RABGAP1L: variants seen among roughly 807,000 people sequenced by gnomAD.
RABGAP1L encodes RAB GTPase activating protein 1 like.
Under a neutral mutation model 137.7 loss-of-function variants are expected in RABGAP1L, and 63 were observed. That is an observed-to-expected ratio of 0.46 (90% CI 0.37 to 0.56). RABGAP1L has a LOEUF of 0.56. Ranked by LOEUF, RABGAP1L falls within the 20% of genes least tolerant of loss-of-function variation. The pLI is 0.00. For synonymous variants in RABGAP1L, 431 were observed against 433.7 expected (o/e 0.99, Z 0.08); for missense variants, 1,095 against 1,244.0 (o/e 0.88, Z 1.80).
At chr1:174,773,854 C>G (rs763545209) in intron 18 of RABGAP1L, among the ~76,000 whole-genome samples, 1 of 152,144 alleles carries the variant, frequency 6.6e-6, no homozygotes, top group Non-Finnish European at 1.5e-5. Context: ...TCACTCTGAC[C>G]AATCAGAGTA....
intron 11 of RABGAP1L, among the ~76,000 whole-genome samples, chr1:174,317,817 C>T (rs576195579): frequency 2.0e-4 from 31 of 152,184 alleles, no homozygotes; most frequent in African/African-American, 4.3e-4. Context: ...AAATTTGTAC[C>T]GCTGGGGTCA....
chr1:174,344,054 T>C lies in RABGAP1L; in HGVS notation c.1466-26925T>C, dbSNP rs1682222222. 2.0e-5 allele frequency among the ~76,000 whole-genome samples: 3 copies of C among 152,296 alleles called. 1 individual carries two copies. Among genetic ancestry groups the C allele is most frequent in the Non-Finnish European group, 4.4e-5 (3 of 68,030 alleles). On this transcript the variant is annotated intron_variant, in intron 11 of 25. Transcript: ENST00000681986. ...GTGGTGGCAATAAATCAAATCAAAA[T>C]GTAGTGCCATTAGAGTAAGACATCT...
At chr1:174,755,856 G>A (rs145100929) in intron 18 of RABGAP1L, among the ~76,000 whole-genome samples, 8 of 152,222 alleles carry the variant, frequency 5.3e-5, no homozygotes, top group South Asian at 2.1e-4. Context: ...TCAGTATATC[G>A]TGAATATCTT....
At position 174,231,197 on chromosome 1, in the gene RABGAP1L, T is replaced by C. The variant is rs1228436041; in HGVS notation, c.384T>C (p.Ser128=). 6.2e-7 allele frequency: 1 copy of C among 1,613,932 alleles called. No homozygotes were observed. Among genetic ancestry groups the C allele is most frequent in the Non-Finnish European group, 8.5e-7 (1 of 1,179,878 alleles). The part of the protein sequence containing the change: ...SSPGGLPEED[S]VLFNKLTYLG... ...CAGGTGGACTACCTGAAGAAGATAG[T>C]GTTTTATTTAATAAACTGACCTACT... The change falls in exon 4 of 26, where the codon AGT becomes AGC. Residue 128 remains serine (S), a synonymous_variant. Coordinates refer to ENST00000681986, the MANE Select transcript of RABGAP1L (RefSeq NM_001366446.1).
chr1:174,398,796 G>C (rs1558200351), intron 13 of RABGAP1L, among the ~76,000 whole-genome samples: 1 of 152,100 alleles, frequency 6.6e-6, no homozygotes, highest in Non-Finnish European at 1.5e-5. Flanking sequence ...GTATTGAGTA[G>C]AAAACTACCT....
intron 19 of RABGAP1L, among the ~76,000 whole-genome samples, chr1:174,925,354 CAAAAAAAAAAAAAAA>C (rs545791515): frequency 1.8e-5 from 1 of 54,782 alleles, no homozygotes; most frequent in Non-Finnish European, 3.8e-5. Flanking sequence ...GACTCCGTCT[CAAAAAAAAAAAAAAA>C]AAAAAAAAAA....
At chr1:174,596,330 G>C (rs535741125) in intron 13 of RABGAP1L, among the ~76,000 whole-genome samples, 1 of 151,924 alleles carries the variant, frequency 6.6e-6, no homozygotes, top group Non-Finnish European at 1.5e-5. Context: ...GCTCACGCTG[G>C]GAGCTGTAGA....
intron 18 of RABGAP1L, among the ~76,000 whole-genome samples, chr1:174,801,020 T>C (rs1228303007): frequency 1.3e-5 from 2 of 152,224 alleles, no homozygotes; most frequent in South Asian, 2.1e-4. Flanking sequence ...CCTAGAATGA[T>C]TGAACTGTTT....
intron 13 of RABGAP1L, among the ~76,000 whole-genome samples, chr1:174,402,267 G>A (rs750161613): frequency 2.6e-5 from 4 of 151,980 alleles, no homozygotes; most frequent in Non-Finnish European, 5.9e-5. Flanking sequence ...GAATGAAAGG[G>A]ACAACTCATC....
At chr1:174,695,408 T>C (rs1679176108) in intron 15 of RABGAP1L, among the ~76,000 whole-genome samples, 2 of 152,130 alleles carry the variant, frequency 1.3e-5, no homozygotes. Flanking sequence ...TGATACATTT[T>C]TAAGTTTGTC....
chr1:174,872,608 C>G (rs1198095485), intron 19 of RABGAP1L, among the ~76,000 whole-genome samples: 1 of 150,988 alleles, frequency 6.6e-6, no homozygotes, highest in Non-Finnish European at 1.5e-5. Context: ...GTCACCCAGG[C>G]TGGAGTGTAG....
rs535895937 is a variant in RABGAP1L, at chr1:174,715,304, A to G, written c.2169+13048A>G. Among the ~76,000 whole-genome samples, 7 of 152,350 alleles carry G rather than the reference A, an allele frequency of 4.6e-5. No individual in the cohort carries two copies. The South Asian group carries it at 1.5e-3, about 32-fold the overall frequency. ...CATTCTTTCAATTTATAAATTATCT[A>G]TATTGTACAAAAGAGAAGGAACTCA... On this transcript the variant is annotated intron_variant, in intron 17 of 25. Coordinates refer to ENST00000681986, the MANE Select transcript of RABGAP1L (RefSeq NM_001366446.1).
At chr1:174,643,919 GT>G (rs1674731628) in intron 14 of RABGAP1L, among the ~76,000 whole-genome samples, 15 of 127,656 alleles carry the variant, frequency 1.2e-4, no homozygotes, top group East Asian at 7.9e-4. Flanking sequence ...ATATAGGGGT[GT>G]GTGTGTGTGT....
At chr1:174,815,102 G>GA in intron 19 of RABGAP1L, among the ~76,000 whole-genome samples, 1 of 152,178 alleles carries the variant, frequency 6.6e-6, no homozygotes, top group East Asian at 1.9e-4. Flanking sequence ...TTGTAGTTTT[G>GA]AAAAAACACT....
intron 13 of RABGAP1L, among the ~76,000 whole-genome samples, chr1:174,617,977 G>T (rs1485612382): frequency 6.6e-6 from 1 of 152,190 alleles, no homozygotes; most frequent in Non-Finnish European, 1.5e-5. Context: ...CTTAGCAAAT[G>T]GCACACCTTT....
intron 8 of RABGAP1L, chr1:174,274,989 T>C: frequency 6.6e-6 from 1 of 152,176 alleles, no homozygotes; most frequent in East Asian, 1.9e-4. Context: ...CATTTGCATA[T>C]GGAAATACTT....
intron 13 of RABGAP1L, among the ~76,000 whole-genome samples, chr1:174,446,937 C>T (rs375330026): frequency 2.0e-5 from 3 of 152,066 alleles, no homozygotes; most frequent in South Asian, 2.1e-4. Context: ...CAAATAAGCT[C>T]GGAGTATATT....
chr1:174,477,707 C>G (rs1405997596), intron 13 of RABGAP1L, among the ~76,000 whole-genome samples: 1 of 151,968 alleles, frequency 6.6e-6, no homozygotes, highest in Non-Finnish European at 1.5e-5. Flanking sequence ...AATAGGAACC[C>G]TTATATAATG....
chr1:174,863,403 G>C (rs1263585246), intron 19 of RABGAP1L, among the ~76,000 whole-genome samples: 1 of 152,002 alleles, frequency 6.6e-6, no homozygotes, highest in Non-Finnish European at 1.5e-5. Context: ...GCCGGGCGCA[G>C]TGGCTCATGC....
Sources: allele counts gnomAD v4.1 joint callset (sites outside exome capture counted in the v4.1 genomes callset), GRCh38; gene constraint gnomAD v4.1.1; transcripts MANE v1.5; gene names NCBI Gene and HGNC (gene_info 2026-07-23, HGNC 2026-07-21).